Variants in MAP2 observed in about 807,000 individuals in gnomAD.
MAP2 encodes the protein microtubule-associated protein 2.
A neutral mutation model predicts 137.6 loss-of-function variants in MAP2; 14 were observed. The ratio of observed to expected loss-of-function variants is 0.10; its 90% CI spans 0.07 to 0.16. The LOEUF is 0.16. MAP2 is among the 10% of genes least tolerant of loss of function. The pLI, the probability that MAP2 is intolerant of heterozygous loss-of-function variation, is 1.00. For missense variants in MAP2, 2,088 were observed against 2,191.5 expected, an observed-to-expected ratio of 0.95 and a Z score of 0.94; for synonymous variants, 786 against 782.3, an observed-to-expected ratio of 1.00 and a Z score of -0.08.
At position 209,564,556 on chromosome 2, in the gene MAP2, TAAAAAAAAA is replaced by T. The variant is rs757367849; in HGVS notation, c.-171-15461_-171-15453del. On this transcript the variant is annotated intron_variant, in intron 2 of 15. Coordinates refer to ENST00000682079, the MANE Select transcript of MAP2 (RefSeq NM_001375505.1). The stretch of plus-strand genomic sequence containing the variant: ...TGTGTTTTAGCACAGCTCTGTGGAG[TAAAAAAAAA>T]AAAAAAAAAAAAAAAAAACCAAAAG... Among the ~76,000 whole-genome samples the T allele has an allele frequency of 7.1e-5, 4 of 55,994 alleles. No individual in the cohort carries two copies. The South Asian group carries it at 2.1e-3, about 29-fold the overall frequency. 36.7% of individuals were successfully genotyped at this position (55,994 alleles called of 152,430 possible).
Position 209,492,545 on chromosome 2 carries a change from C to T in MAP2, c.-221-15047C>T, listed in dbSNP as rs573680553. On this transcript the variant is annotated intron_variant, in intron 1 of 15. Coordinates refer to ENST00000682079, the MANE Select transcript of MAP2 (RefSeq NM_001375505.1). ...TAATTCTATATTTAGAAAACACCATCGTCAGGCCCAAAATCTCCTTAAGAT... is the reference window on the plus strand; with the variant it reads ...TAATTCTATATTTAGAAAACACCATTGTCAGGCCCAAAATCTCCTTAAGAT... 1.1e-4 allele frequency among the ~76,000 whole-genome samples: 17 copies of T among 152,192 alleles called. No individual in the cohort carries two copies. The South Asian group carries it at 2.7e-3, about 24-fold the overall frequency.
At chr2:209,440,586 C>G (rs1697512922) in intron 1 of MAP2, among the ~76,000 whole-genome samples, 1 of 151,440 alleles carries the variant, frequency 6.6e-6, no homozygotes, top group Admixed American at 6.6e-5. Flanking sequence ...CACACTTTTA[C>G]ACAAATCAGT....
At chr2:209,673,837 G>C (rs1301091498) in intron 5 of MAP2, among the ~76,000 whole-genome samples, 1 of 151,856 alleles carries the variant, frequency 6.6e-6, no homozygotes, top group African/African-American at 2.4e-5. Context: ...AAAAGGAATA[G>C]AAGGTAGGAA....
chr2:209,582,543 G>A (rs1173288401), intron 3 of MAP2, among the ~76,000 whole-genome samples: 1 of 152,034 alleles, frequency 6.6e-6, no homozygotes. Context: ...CTGCAGCAAA[G>A]GGGAGGAGGC....
At chr2:209,625,487 T>A (rs1390838375) in intron 4 of MAP2, among the ~76,000 whole-genome samples, 1 of 152,146 alleles carries the variant, frequency 6.6e-6, no homozygotes, top group Non-Finnish European at 1.5e-5. Flanking sequence ...ATAAATCAAT[T>A]CATTTACTTC....
At chr2:209,617,634 T>A (rs1229743596) in intron 3 of MAP2, among the ~76,000 whole-genome samples, 1 of 152,150 alleles carries the variant, frequency 6.6e-6, no homozygotes, top group African/African-American at 2.4e-5. Flanking sequence ...GGAGATCTGG[T>A]GTCTCCTCCT....
intron 1 of MAP2, among the ~76,000 whole-genome samples, chr2:209,481,340 G>A (rs1050242942): frequency 2.6e-5 from 4 of 152,232 alleles, no homozygotes; most frequent in Non-Finnish European, 4.4e-5. Flanking sequence ...ATCACTGGAT[G>A]TGGGCTACCC....
rs1286103137 is a variant in MAP2, at chr2:209,593,634, A to AAAAAAATATAT, written c.-107+13535_-107+13536insAAAAATATATA. Among the ~76,000 whole-genome samples the AAAAAAATATAT allele has an allele frequency of 4.5e-4, 15 of 33,640 alleles. 1 individual carries two copies. Among genetic ancestry groups the AAAAAAATATAT allele is most frequent in the Non-Finnish European group, 6.4e-4 (13 of 20,362 alleles). 22.1% of individuals were successfully genotyped at this position (33,640 alleles called of 152,430 possible). On this transcript the variant is annotated intron_variant, in intron 3 of 15. Transcript: ENST00000682079. ...CCTGTCTCTACAAAAAAAAAAAAAA[A>AAAAAAATATAT]ATATATATATATATATATATATATA... is the stretch of plus-strand genomic sequence containing the variant.
intron 4 of MAP2, among the ~76,000 whole-genome samples, chr2:209,642,402 G>A (rs2094108098): frequency 6.7e-6 from 1 of 149,838 alleles, no homozygotes; most frequent in African/African-American, 2.5e-5. Context: ...ATTCCAGCCT[G>A]AGTGACAGTG....
At chr2:209,707,266 C>T (rs1190560349) in intron 12 of MAP2, among the ~76,000 whole-genome samples, 1 of 152,118 alleles carries the variant, frequency 6.6e-6, no homozygotes, top group East Asian at 1.9e-4. Context: ...TCTATTTTGA[C>T]TTTTTAAATT....
intron 4 of MAP2, among the ~76,000 whole-genome samples, chr2:209,651,950 A>G (rs16843351): frequency 0.18 from 27,738 of 152,106 alleles, 3,572 homozygotes; most frequent in African/African-American, 0.36. Context: ...TATTTGTCTT[A>G]ATATAATTTT....
At position 209,733,457 on chromosome 2, in the gene MAP2, T is replaced by C. The variant is rs1167257914; in HGVS notation, c.*3060T>C. On this transcript the variant is annotated 3_prime_UTR_variant, in exon 16 of 16. Coordinates refer to ENST00000682079, the MANE Select transcript of MAP2 (RefSeq NM_001375505.1). ...AAGAATGTACTGATTGTAGTGACCT[T>C]CTCCACACACACACACACACACACA... The C allele has an allele frequency of 2.0e-5, 1 of 50,198 alleles. No individual in the cohort carries two copies. Among genetic ancestry groups the C allele is most frequent in the Admixed American group, 3.0e-4 (1 of 3,314 alleles). The allele number at this position is 50,198 out of a possible 1,614,324, so 3.1% of individuals were successfully genotyped here. A position where few individuals can be genotyped will look rare whatever the true frequency, so the allele number is the denominator to read the frequency against.
chr2:209,639,462 A>G (rs556678620), intron 4 of MAP2, among the ~76,000 whole-genome samples: 1 of 152,090 alleles, frequency 6.6e-6, no homozygotes, highest in African/African-American at 2.4e-5. Flanking sequence ...TCACACTGCC[A>G]TAGCTCAGGC....
chr2:209,703,543 CTTAAA>C (rs1380709502), intron 11 of MAP2, among the ~76,000 whole-genome samples: 4 of 151,934 alleles, frequency 2.6e-5, no homozygotes, highest in Non-Finnish European at 4.4e-5. Context: ...ATACATTATC[CTTAAA>C]TTAGAGAACT....
intron 2 of MAP2, among the ~76,000 whole-genome samples, chr2:209,512,505 A>C (rs916573929): frequency 7.3e-5 from 11 of 151,374 alleles, no homozygotes; most frequent in Non-Finnish European, 1.6e-4. Context: ...GGATCTTTAA[A>C]TTATTGTTAT....
intron 1 of MAP2, among the ~76,000 whole-genome samples, chr2:209,505,264 ATGTT>A (rs1414856876): frequency 6.6e-6 from 1 of 152,204 alleles, no homozygotes; most frequent in Non-Finnish European, 1.5e-5. Flanking sequence ...TTAACATAAT[ATGTT>A]TAAGTCCTAA....
chr2:209,615,198 C>A (rs758397466), intron 3 of MAP2, among the ~76,000 whole-genome samples: 7 of 152,144 alleles, frequency 4.6e-5, no homozygotes, highest in Non-Finnish European at 7.4e-5. Flanking sequence ...GGTGCTCTGT[C>A]CCCTGTGTTC....
intron 5 of MAP2, among the ~76,000 whole-genome samples, chr2:209,672,426 G>T (rs1190530698): frequency 6.6e-6 from 1 of 151,770 alleles, no homozygotes; most frequent in African/African-American, 2.4e-5. Flanking sequence ...TAAAACAGTG[G>T]TACCTAATTT....
chr2:209,584,904 A>T (rs1337110675), intron 3 of MAP2, among the ~76,000 whole-genome samples: 1 of 152,064 alleles, frequency 6.6e-6, no homozygotes, highest in Non-Finnish European at 1.5e-5. Flanking sequence ...CAAAGGGAGA[A>T]AGTAGCTGAG....
Sources: gnomAD v4.1 joint callset for allele counts (sites outside exome capture counted in the v4.1 genomes callset) on GRCh38, gnomAD v4.1.1 for gene constraint, MANE v1.5 for transcripts, NCBI Gene and HGNC (gene_info 2026-07-23, HGNC 2026-07-21) for gene names.